The following CAMK2A variants were observed in gnomAD, a reference collection of about 807,000 sequenced individuals.
CAMK2A encodes calcium/calmodulin dependent protein kinase II alpha.
Under a neutral mutation model 79.2 loss-of-function variants are expected in CAMK2A, and 7 were observed. That is an observed-to-expected ratio of 0.09 (90% CI 0.05 to 0.17). CAMK2A has a LOEUF of 0.17. Ranked by LOEUF, CAMK2A falls within the 10% of genes least tolerant of loss-of-function variation. The pLI is 1.00. For missense variants in CAMK2A, 214 were observed against 646.4 expected (o/e 0.33, Z 7.25); for synonymous variants, 242 against 251.7 (o/e 0.96, Z 0.36).
intron 15 of CAMK2A, among the ~76,000 whole-genome samples, chr5:150,232,607 T>G (rs1453647762): frequency 6.6e-6 from 1 of 152,216 alleles, no homozygotes; most frequent in Non-Finnish European, 1.5e-5. Context: ...GCTTTAAACC[T>G]GGCCAGCTCA....
chr5:150,268,845 T>C (rs573291069), intron 2 of CAMK2A, among the ~76,000 whole-genome samples: 3 of 152,328 alleles, frequency 2.0e-5, no homozygotes, highest in African/African-American at 7.2e-5. Context: ...CTGCAGCCTC[T>C]ACTTCCTGGG....
At chr5:150,229,386 G>A (rs1392231534) in intron 16 of CAMK2A, among the ~76,000 whole-genome samples, 3 of 152,164 alleles carry the variant, frequency 2.0e-5, no homozygotes, top group African/African-American at 4.8e-5. Context: ...GAGACTGAGC[G>A]CCCCCACTGA....
chr5:150,278,718 C>T (rs950382419), intron 1 of CAMK2A, among the ~76,000 whole-genome samples: 2 of 152,058 alleles, frequency 1.3e-5, no homozygotes, highest in African/African-American at 4.8e-5. Context: ...TAGGGGAATG[C>T]CCCTGGGTGC....
At chr5:150,253,292 G>A in intron 7 of CAMK2A, 152 bp downstream of exon 7, 1 of 646,280 alleles carries the variant, frequency 1.5e-6, no homozygotes, top group East Asian at 2.7e-5. Context: ...CTGGCTCAGA[G>A]GCTGGGTGGG....
intron 9 of CAMK2A, among the ~76,000 whole-genome samples, chr5:150,251,255 G>C (rs1240570697): frequency 6.6e-6 from 1 of 152,190 alleles, no homozygotes; most frequent in Non-Finnish European, 1.5e-5. Context: ...ATATAGCTTG[G>C]TAGTTAGAAG....
At position 150,225,043 on chromosome 5, in the gene CAMK2A, A is replaced by G. The variant is rs1439753439; in HGVS notation, c.1238-1826T>C. 1.3e-4 allele frequency among the ~76,000 whole-genome samples: 15 copies of G among 116,234 alleles called. No homozygotes were observed. In the South Asian group the frequency reaches 1.4e-3, roughly 11 times the overall value. The allele number at this position is 116,234 out of a possible 152,430, so 76.3% of individuals were successfully genotyped here. On this transcript the variant is annotated intron_variant, in intron 17 of 18. Coordinates refer to ENST00000671881, the MANE Select transcript of CAMK2A (RefSeq NM_015981.4). ...CAGTCTCATAACCTGGTAGGTAGGG[A>G]GAGAGAGAGAGAGAGAGAGAGAGAG...
At chr5:150,238,665 T>C in intron 15 of CAMK2A, 35 bp downstream of exon 15, 1 of 1,577,982 alleles carries the variant, frequency 6.3e-7, no homozygotes, top group Non-Finnish European at 8.6e-7. Context: ...GTTCCAGAAG[T>C]CTAAGGGGTC....
intron 2 of CAMK2A, among the ~76,000 whole-genome samples, chr5:150,272,341 G>C (rs1362489435): frequency 6.6e-6 from 1 of 152,206 alleles, no homozygotes; most frequent in African/African-American, 2.4e-5. Context: ...GAGGCAGACA[G>C]ATCATCTGAG....
intron 11 of CAMK2A, among the ~76,000 whole-genome samples, chr5:150,248,563 T>G (rs1335022006): frequency 2.1e-5 from 3 of 141,206 alleles, no homozygotes; most frequent in Non-Finnish European, 4.5e-5. Flanking sequence ...TCAATTCCCA[T>G]CCATGAGTGA....
intron 13 of CAMK2A, 31 bp from the exon 14 acceptor site, chr5:150,239,767 GAA>G: frequency 8.1e-6 from 13 of 1,606,040 alleles, no homozygotes; most frequent in Non-Finnish European, 1.1e-5. Flanking sequence ...GATGGGACAG[GAA>G]AAGACACAGC....
chr5:150,269,510 C>G (rs1168554422), intron 2 of CAMK2A, among the ~76,000 whole-genome samples: 1 of 152,006 alleles, frequency 6.6e-6, no homozygotes, highest in Admixed American at 6.5e-5. Context: ...CGCCACTACG[C>G]CCGGCTAATT....
chr5:150,228,073 T>G lies in CAMK2A; in HGVS notation c.1237+119A>C. 3.9e-6 allele frequency: 3 copies of G among 765,008 alleles called. 1 individual carries two copies. The highest frequency in any genetic ancestry group is 6.4e-6 in the Non-Finnish European group (3 of 468,650). 47.4% of individuals were successfully genotyped at this position (765,008 alleles called of 1,614,324 possible). A position where few individuals can be genotyped will look rare whatever the true frequency, so the allele number is the denominator to read the frequency against. On this transcript the variant is annotated intron_variant, in intron 17 of 18. Coordinates refer to ENST00000671881, the MANE Select transcript of CAMK2A (RefSeq NM_015981.4). ...TACCAACCCCAGTCCACACGGGAGC[T>G]TCCTCTTCGCTGGCTCCTGAGCCGC... is the stretch of plus-strand genomic sequence containing the variant.
chr5:150,265,897 T>C (rs968610553), intron 2 of CAMK2A, among the ~76,000 whole-genome samples: 12 of 146,136 alleles, frequency 8.2e-5, no homozygotes, highest in African/African-American at 3.1e-4. Context: ...ATCACGCCAC[T>C]GCACTCCAGC....
chr5:150,235,336 G>C (rs1292136973), intron 15 of CAMK2A, among the ~76,000 whole-genome samples: 2 of 152,208 alleles, frequency 1.3e-5, no homozygotes, highest in Admixed American at 1.3e-4. Flanking sequence ...TATGCCCTCA[G>C]CAGCCCCACT....
At chr5:150,231,183 G>T in intron 16 of CAMK2A, 122 bp downstream of exon 16, 1 of 506,018 alleles carries the variant, frequency 2.0e-6, no homozygotes, top group South Asian at 4.8e-5. Flanking sequence ...AGTTCAGCCC[G>T]ATTCACAGCA....
intron 16 of CAMK2A, among the ~76,000 whole-genome samples, chr5:150,229,638 A>AC (rs943948178): frequency 6.6e-6 from 1 of 151,812 alleles, no homozygotes; most frequent in Non-Finnish European, 1.5e-5. Flanking sequence ...GTTCCCCAGG[A>AC]CCCCCAGAAG....
intron 4 of CAMK2A, 41 bp downstream of exon 4, chr5:150,257,522 C>T: frequency 6.6e-7 from 1 of 1,519,990 alleles, no homozygotes; most frequent in South Asian, 1.2e-5. Context: ...GTTAGGCAGC[C>T]CCAACACCGT....
chr5:150,246,138 T>G (rs1328651556), intron 12 of CAMK2A, among the ~76,000 whole-genome samples: 2 of 152,210 alleles, frequency 1.3e-5, no homozygotes, highest in African/African-American at 4.8e-5. Flanking sequence ...TATGAGCCAC[T>G]GATGCCCCAG....
chr5:150,231,880 G>A (rs1462601245), intron 15 of CAMK2A, among the ~76,000 whole-genome samples: 1 of 152,196 alleles, frequency 6.6e-6, no homozygotes, highest in African/African-American at 2.4e-5. Flanking sequence ...AAATCTTAGG[G>A]TATACGCATC....
Sources: gnomAD v4.1 joint callset for allele counts (sites outside exome capture counted in the v4.1 genomes callset) on GRCh38, gnomAD v4.1.1 for gene constraint, MANE v1.5 for transcripts, NCBI Gene and HGNC (gene_info 2026-07-23, HGNC 2026-07-21) for gene names.